APP: variants seen among roughly 807,000 people sequenced by gnomAD.
The protein encoded by APP is amyloid-beta precursor protein.
APP carries 31 observed loss-of-function variants against 101.4 expected under a neutral mutation model. That is an observed-to-expected ratio of 0.31 (90% CI 0.23 to 0.41). The LOEUF is 0.41. Ranked by LOEUF, APP falls within the 10% of genes least tolerant of loss-of-function variation. The pLI is 1.00. For synonymous variants in APP, 366 were observed against 364.4 expected (o/e 1.00, Z -0.05); for missense variants, 839 against 1,003.7 (o/e 0.84, Z 2.22).
chr21:26,132,225 T>TA (rs1331102770), intron 1 of APP, among the ~76,000 whole-genome samples: 1 of 152,040 alleles, frequency 6.6e-6, no homozygotes, highest in African/African-American at 2.4e-5. Context: ...CCTATCTCTT[T>TA]AAAAAAGAAA....
chr21:25,986,131 G>T (rs957090843), intron 8 of APP, among the ~76,000 whole-genome samples: 1 of 152,128 alleles, frequency 6.6e-6, no homozygotes, highest in African/African-American at 2.4e-5. Context: ...CCAGAGACAC[G>T]TGTGCCCTAT....
intron 13 of APP, among the ~76,000 whole-genome samples, chr21:25,947,203 C>T (rs188965892): frequency 6.6e-6 from 1 of 152,172 alleles, no homozygotes; most frequent in Non-Finnish European, 1.5e-5. Context: ...ACTATATTTA[C>T]AGATTCCATA....
At chr21:26,074,389 G>A (rs1386474780) in intron 3 of APP, among the ~76,000 whole-genome samples, 1 of 152,134 alleles carries the variant, frequency 6.6e-6, no homozygotes, top group African/African-American at 2.4e-5. Flanking sequence ...AACCTTTAAG[G>A]TACAACATAA....
intron 14 of APP, among the ~76,000 whole-genome samples, chr21:25,911,251 G>A (rs748059844): frequency 1.3e-5 from 2 of 152,158 alleles, no homozygotes; most frequent in Admixed American, 6.5e-5. Flanking sequence ...ATTAAGAAGA[G>A]GAACTGGAAA....
intron 8 of APP, among the ~76,000 whole-genome samples, chr21:25,994,924 G>C (rs922753732): frequency 1.3e-5 from 2 of 152,190 alleles, no homozygotes; most frequent in African/African-American, 4.8e-5. Flanking sequence ...TACTAGCACT[G>C]CAAAACCCTT....
At chr21:25,994,511 AATT>A (rs2042980690) in intron 8 of APP, among the ~76,000 whole-genome samples, 1 of 152,206 alleles carries the variant, frequency 6.6e-6, no homozygotes. Flanking sequence ...ATTTATGGCA[AATT>A]ATTGTTTTTA....
chr21:26,125,399 T>C (rs1186357653), intron 1 of APP, among the ~76,000 whole-genome samples: 1 of 152,218 alleles, frequency 6.6e-6, no homozygotes, highest in African/African-American at 2.4e-5. Flanking sequence ...TATTATCTTG[T>C]TCTTTATTTT....
chr21:26,040,474 C>T (rs45607140), intron 5 of APP, among the ~76,000 whole-genome samples: 25,290 of 151,878 alleles, frequency 0.17, 2,414 homozygotes, highest in South Asian at 0.24. Flanking sequence ...TGGTGGTTGG[C>T]ACCTGTAATC....
intron 15 of APP, 41 bp from the exon 16 acceptor site, chr21:25,897,714 A>C (rs2038172016): frequency 6.6e-7 from 1 of 1,504,164 alleles, no homozygotes; most frequent in South Asian, 1.1e-5. Flanking sequence ...ACAACCAATT[A>C]GTTTTACTCA....
At chr21:25,961,298 A>T (rs2146516068) in intron 11 of APP, among the ~76,000 whole-genome samples, 2 of 152,308 alleles carry the variant, frequency 1.3e-5, no homozygotes, top group East Asian at 3.9e-4. Flanking sequence ...CTCCCTAAAA[A>T]TGCATAACAC....
At chr21:25,940,833 CT>C (rs1455063731) in intron 13 of APP, among the ~76,000 whole-genome samples, 3 of 152,170 alleles carry the variant, frequency 2.0e-5, no homozygotes, top group Non-Finnish European at 4.4e-5. Flanking sequence ...ACCTGGACAG[CT>C]TGATAAAATA....
At chr21:25,958,460 G>A (rs375821349) in intron 11 of APP, among the ~76,000 whole-genome samples, 4 of 152,110 alleles carry the variant, frequency 2.6e-5, no homozygotes, top group East Asian at 3.9e-4. Flanking sequence ...TGTATTTTTA[G>A]TAGAGACGGG....
At chr21:26,095,963 C>T (rs1242980028) in intron 2 of APP, among the ~76,000 whole-genome samples, 2 of 152,196 alleles carry the variant, frequency 1.3e-5, no homozygotes, top group Non-Finnish European at 2.9e-5. Context: ...GATACTTATA[C>T]TTAAAGCAGA....
At chr21:25,898,150 C>T (rs1267615096) in intron 15 of APP, among the ~76,000 whole-genome samples, 1 of 152,156 alleles carries the variant, frequency 6.6e-6, no homozygotes, top group Non-Finnish European at 1.5e-5. Context: ...GTTCCAATTA[C>T]AAATAAATTA....
intron 3 of APP, among the ~76,000 whole-genome samples, chr21:26,061,846 C>T (rs765346378): frequency 5.3e-5 from 8 of 152,168 alleles, no homozygotes; most frequent in Non-Finnish European, 1.0e-4. Flanking sequence ...AATCATCTCT[C>T]CAACTTTTCC....
intron 8 of APP, among the ~76,000 whole-genome samples, chr21:25,994,005 A>G (rs2042962894): frequency 6.6e-6 from 1 of 152,210 alleles, no homozygotes. Context: ...GATGGGACAC[A>G]CTTTGGCCAG....
intron 11 of APP, among the ~76,000 whole-genome samples, chr21:25,962,834 G>T (rs1052066898): frequency 1.3e-5 from 2 of 152,168 alleles, no homozygotes; most frequent in African/African-American, 2.4e-5. Flanking sequence ...TGGAGATGGA[G>T]TCTCACTCTG....
intron 14 of APP, among the ~76,000 whole-genome samples, chr21:25,906,742 C>G (rs910906467): frequency 1.3e-5 from 2 of 152,098 alleles, no homozygotes; most frequent in Non-Finnish European, 1.5e-5. Flanking sequence ...GTTGAAAGGT[C>G]ATTGTACTTT....
intron 2 of APP, among the ~76,000 whole-genome samples, chr21:26,105,502 T>C (rs1210734762): frequency 2.0e-5 from 3 of 151,506 alleles, no homozygotes; most frequent in Non-Finnish European, 2.9e-5. Flanking sequence ...ATCAATACGG[T>C]TTAAAAAATA....
Sources: gnomAD v4.1 joint callset for allele counts (sites outside exome capture counted in the v4.1 genomes callset) on GRCh38, gnomAD v4.1.1 for gene constraint, MANE v1.5 for transcripts, NCBI Gene and HGNC (gene_info 2026-07-23, HGNC 2026-07-21) for gene names.